IGF2R: variants seen among roughly 807,000 people sequenced by gnomAD.
The protein encoded by IGF2R is insulin like growth factor 2 receptor.
A neutral mutation model predicts 270.6 loss-of-function variants in IGF2R; 91 were observed. That is an observed-to-expected ratio of 0.34 (90% CI 0.28 to 0.40). The LOEUF is 0.40. IGF2R is among the 10% of genes least tolerant of loss of function. IGF2R has a pLI of 1.00. For missense variants in IGF2R, 2,805 were observed against 3,188.3 expected (o/e 0.88, Z 2.90); for synonymous variants, 1,316 against 1,258.9 (o/e 1.05, Z -0.96).
In IGF2R at chr6:159,998,479, G is replaced by A. The variant is rs1037771572; in HGVS notation, c.289+7156G>A. Among the ~76,000 whole-genome samples the A allele has an allele frequency of 6.6e-6, 1 of 152,166 alleles. No individual in the cohort carries two copies. Among genetic ancestry groups the A allele is most frequent in the Non-Finnish European group, 1.5e-5 (1 of 68,028 alleles). ...TACAGATCTTTTGTGATGGTAACGG[G>A]GAGGTGATGTGATGGAAGGTGTTTT... On this transcript the variant is annotated intron_variant, in intron 2 of 47. Transcript: ENST00000356956. This position sits in a 1 kb window ranked among gnomAD's most constrained non-coding sequence, Gnocchi z 4.1.
At chr6:160,080,032 G>A (rs1352228385) in intron 38 of IGF2R, 97 bp from the exon 39 acceptor site, 19 of 1,433,384 alleles carry the variant, frequency 1.3e-5, no homozygotes, top group Non-Finnish European at 1.6e-5. Flanking sequence ...AGGTGCTTTA[G>A]GATGGGCAGC....
rs778101366 is a variant in IGF2R at position 160,040,728 on chromosome 6, C to T, written c.1480+4C>T. 9 of 1,609,600 alleles carry T rather than the reference C, an allele frequency of 5.6e-6. No individual in the cohort carries two copies. Among genetic ancestry groups the T allele is most frequent in the East Asian group, 2.2e-5 (1 of 44,794 alleles). On this transcript the variant is annotated splice_donor_region_variant and intron_variant, in intron 11 of 47. Coordinates refer to ENST00000356956, the MANE Select transcript of IGF2R (RefSeq NM_000876.4). ...TCCGCGCTGGTCCGCCATGCAGGTA[C>T]TGCCCTCCTTGCCATGCGGGTCTTA... is the stretch of plus-strand genomic sequence containing the variant.
chr6:160,064,661 C>CGT (rs1778522900), intron 28 of IGF2R, 130 bp downstream of exon 28: 2 of 1,176,380 alleles, frequency 1.7e-6, no homozygotes, highest in African/African-American at 3.1e-5. Context: ...TAACCATTTA[C>CGT]AGAAAATATG....
At chr6:160,075,539 T>C (rs1778838865) in intron 35 of IGF2R, among the ~76,000 whole-genome samples, 1 of 152,228 alleles carries the variant, frequency 6.6e-6, no homozygotes, top group African/African-American at 2.4e-5. Flanking sequence ...GGGAGGACTC[T>C]GTAGTCTCCT....
intron 26 of IGF2R, among the ~76,000 whole-genome samples, chr6:160,062,847 G>T (rs969113935): frequency 6.6e-6 from 1 of 151,632 alleles, no homozygotes; most frequent in Non-Finnish European, 1.5e-5. Context: ...GGATTTTGGC[G>T]TCTGATGCTT....
At chr6:160,073,671 A>T in intron 34 of IGF2R, 86 bp from the exon 35 acceptor site, 2 of 1,238,004 alleles carry the variant, frequency 1.6e-6, no homozygotes. Context: ...TGTTGTTGTT[A>T]TTCAGCTTTT....
chr6:160,039,258 C>T (rs947517354), intron 10 of IGF2R, among the ~76,000 whole-genome samples: 1 of 152,158 alleles, frequency 6.6e-6, no homozygotes, highest in African/African-American at 2.4e-5. Flanking sequence ...ATACTGCATG[C>T]ACTTGTAACA....
chr6:160,010,761 A>G lies in IGF2R; in HGVS notation c.489A>G (p.Lys163=). The stretch of plus-strand genomic sequence containing the variant: ...GGAGGACCACTGCAGCCTGCAAGAA[A>G]GACATATTTAAAGCAAATAAGGAGG... ...FEWRTTAACK[K]DIFKANKEVP... Residue 163 remains lysine, a synonymous_variant, in exon 4 of 48, where the codon AAA becomes AAG. Coordinates refer to ENST00000356956, the MANE Select transcript of IGF2R (RefSeq NM_000876.4). The G allele has an allele frequency of 1.2e-6, 2 of 1,609,248 alleles. No homozygotes were observed. Among genetic ancestry groups the G allele is most frequent in the Non-Finnish European group, 1.7e-6 (2 of 1,175,516 alleles).
intron 19 of IGF2R, among the ~76,000 whole-genome samples, chr6:160,054,170 T>C (rs1778257588): frequency 1.3e-5 from 2 of 152,130 alleles, no homozygotes. Flanking sequence ...GGAGGAAGAC[T>C]AAGACACGAA....
At chr6:159,978,162 C>T (rs1783722861) in intron 1 of IGF2R, among the ~76,000 whole-genome samples, 1 of 152,130 alleles carries the variant, frequency 6.6e-6, no homozygotes, top group Non-Finnish European at 1.5e-5. Context: ...ATTGGCACTC[C>T]ACGTAAGCTT....
chr6:160,011,218 C>G (rs1300723249), intron 4 of IGF2R, among the ~76,000 whole-genome samples: 1 of 152,186 alleles, frequency 6.6e-6, no homozygotes, highest in Non-Finnish European at 1.5e-5. Context: ...TCTCCTTTAC[C>G]TGTTTGCATT....
intron 41 of IGF2R, among the ~76,000 whole-genome samples, chr6:160,086,634 T>TA (rs1376047468): frequency 6.6e-6 from 1 of 152,224 alleles, no homozygotes; most frequent in Non-Finnish European, 1.5e-5. Flanking sequence ...CCAGAAGTTT[T>TA]AAAAATTTTC....
chr6:160,078,450 T>G, intron 37 of IGF2R, 88 bp downstream of exon 37: 1 of 1,284,830 alleles, frequency 7.8e-7, no homozygotes, highest in Non-Finnish European at 1.1e-6. Context: ...GATAATGTGG[T>G]ACCTGTGAGC....
At chr6:160,047,514 C>G (rs778118668) in intron 16 of IGF2R, among the ~76,000 whole-genome samples, 178 bp downstream of exon 16, 12 of 152,078 alleles carry the variant, frequency 7.9e-5, no homozygotes, top group Non-Finnish European at 7.3e-5. Flanking sequence ...GGGTTGTGCA[C>G]CTTAATAACA....
intron 4 of IGF2R, among the ~76,000 whole-genome samples, chr6:160,021,432 T>A (rs1346400441): frequency 4.5e-5 from 5 of 112,144 alleles, no homozygotes; most frequent in Non-Finnish European, 8.4e-5. Context: ...ATCACACACC[T>A]GGGACTGTTG....
chr6:160,022,913 T>C (rs1296582491), intron 4 of IGF2R, among the ~76,000 whole-genome samples: 2 of 151,716 alleles, frequency 1.3e-5, no homozygotes, highest in South Asian at 2.1e-4. Context: ...GAGAGGACTT[T>C]TGAGTTTCAG....
At chr6:159,983,586 C>A (rs1163400627) in intron 1 of IGF2R, among the ~76,000 whole-genome samples, 1 of 152,176 alleles carries the variant, frequency 6.6e-6, no homozygotes, top group Non-Finnish European at 1.5e-5. Flanking sequence ...GGGTATGTTT[C>A]TGCCACAGAC....
chr6:160,032,168 G>A (rs1777712445), intron 7 of IGF2R, among the ~76,000 whole-genome samples: 1 of 152,162 alleles, frequency 6.6e-6, no homozygotes, highest in Admixed American at 6.5e-5. Context: ...AATGGACCAT[G>A]CACCCTGCAC....
In IGF2R at chr6:160,077,765, A is replaced by G. The variant is rs1384062754; in HGVS notation, c.5317-436A>G. The stretch of plus-strand genomic sequence containing the variant: ...AATGAGGGAGGGAATAAATAAAGTG[A>G]TTCTACAATACTTGGCCTATGGAAT... On this transcript the variant is annotated intron_variant, in intron 36 of 47. Coordinates refer to ENST00000356956, the MANE Select transcript of IGF2R (RefSeq NM_000876.4). Among the ~76,000 whole-genome samples the G allele has an allele frequency of 3.9e-5, 6 of 152,220 alleles. No homozygotes were observed. The East Asian group carries it at 1.2e-3, about 29-fold the overall frequency.
Sources: gnomAD v4.1 joint callset for allele counts (sites outside exome capture counted in the v4.1 genomes callset) on GRCh38, gnomAD v4.1.1 for gene constraint, Gnocchi (gnomAD v3.1) non-coding constraint, MANE v1.5 for transcripts, NCBI Gene and HGNC (gene_info 2026-07-23, HGNC 2026-07-21) for gene names.